SULF1: variants seen among roughly 807,000 people sequenced by gnomAD.
SULF1 encodes the protein sulfatase 1.
Under a neutral mutation model 110.5 loss-of-function variants are expected in SULF1, and 46 were observed. The observed-to-expected ratio is 0.42, with a 90% CI of 0.33 to 0.53. The LOEUF (loss-of-function observed/expected upper bound fraction) is 0.53. Among genes scored for constraint, SULF1 ranks in the 20% least tolerant of loss-of-function variants. The pLI, the probability that SULF1 is intolerant of heterozygous loss-of-function variation, is 0.12. For missense variants in SULF1, 941 were observed against 1,094.2 expected (o/e 0.86, Z 1.98); for synonymous variants, 371 against 387.1 (o/e 0.96, Z 0.49).
chr8:69,645,741 G>A (rs1323203635), intron 22 of SULF1, among the ~76,000 whole-genome samples: 1 of 148,942 alleles, frequency 6.7e-6, no homozygotes, highest in Non-Finnish European at 1.5e-5. Flanking sequence ...CATCAGTTCC[G>A]TGACAGTGCA....
intron 22 of SULF1, among the ~76,000 whole-genome samples, chr8:69,649,451 T>C (rs1812166407): frequency 6.6e-6 from 1 of 152,264 alleles, no homozygotes; most frequent in African/African-American, 2.4e-5. Flanking sequence ...TTGTCAAATC[T>C]ACATTTCATG....
At chr8:69,633,423 G>T (rs1435206010) in intron 19 of SULF1, among the ~76,000 whole-genome samples, 1 of 151,432 alleles carries the variant, frequency 6.6e-6, no homozygotes, top group African/African-American at 2.4e-5. Flanking sequence ...CCGCCTCTTG[G>T]GTTCAAGTGA....
In SULF1 at chr8:69,642,329, T is replaced by G. The variant is rs2130693412; in HGVS notation, c.2585+1488T>G. 5 of 987,256 alleles carry G rather than the reference T, an allele frequency of 5.1e-6. No homozygotes were observed. In the Middle Eastern group the frequency reaches 1.1e-3, roughly 223 times the overall value. The allele number at this position is 987,256 out of a possible 1,614,324, so 61.2% of individuals were successfully genotyped here. A position where few individuals can be genotyped will look rare whatever the true frequency, so the allele number is the denominator to read the frequency against. On this transcript the variant is annotated intron_variant, in intron 22 of 22. Transcript: ENST00000402687. ...GTCATTAGTCCACCAAGAAGCCAAA[T>G]GACAACAGGAAAGGTGATGGGAAGA... is the stretch of plus-strand genomic sequence containing the variant.
chr8:69,652,204 A>C (rs1812392580), intron 22 of SULF1, among the ~76,000 whole-genome samples: 2 of 150,234 alleles, frequency 1.3e-5, no homozygotes, highest in Admixed American at 6.7e-5. Flanking sequence ...CACTGGCCCC[A>C]CCTGGATGCT....
chr8:69,544,536 G>A (rs538629322), intron 3 of SULF1, among the ~76,000 whole-genome samples: 1 of 152,144 alleles, frequency 6.6e-6, no homozygotes, highest in African/African-American at 2.4e-5. Flanking sequence ...AAAAGTGCTG[G>A]GATTATAGGG....
At chr8:69,621,758 G>A (rs1586571218) in intron 14 of SULF1, among the ~76,000 whole-genome samples, 3 of 152,176 alleles carry the variant, frequency 2.0e-5, no homozygotes, top group East Asian at 1.9e-4. Flanking sequence ...ATTGGATCTC[G>A]TTGATTGGCA....
chr8:69,495,691 A>C (rs878980671), intron 1 of SULF1, 74 bp from the exon 2 acceptor site: 1 of 152,394 alleles, frequency 6.6e-6, no homozygotes, highest in South Asian at 2.1e-4. Flanking sequence ...ATGAGCTAGT[A>C]GAATACTTAT....
intron 3 of SULF1, among the ~76,000 whole-genome samples, chr8:69,523,658 A>G (rs529612186): frequency 6.6e-6 from 1 of 152,126 alleles, no homozygotes; most frequent in South Asian, 2.1e-4. Context: ...GACTGATGAT[A>G]ATGACTGTCG....
rs530382283 is a variant in SULF1 at position 69,613,036 on chromosome 8, G to A, written c.1378-7999G>A. Among the ~76,000 whole-genome samples the A allele has an allele frequency of 4.6e-5, 7 of 152,052 alleles. No homozygotes were observed. In the South Asian group the frequency reaches 6.2e-4, roughly 13 times the overall value. ...CATCTTGAGTTGATTTTTGTGTAAC[G>A]TGAGAGATAGGAATCCAGTTTCATT... On this transcript the variant is annotated intron_variant, in intron 13 of 22. Transcript: ENST00000402687.
intron 13 of SULF1, among the ~76,000 whole-genome samples, chr8:69,610,657 A>T (rs1808572200): frequency 1.3e-5 from 2 of 152,238 alleles, no homozygotes; most frequent in Non-Finnish European, 2.9e-5. Context: ...CATCTAATTA[A>T]ATCTTTGACT....
chr8:69,554,270 C>T (rs1046859061), intron 3 of SULF1, among the ~76,000 whole-genome samples: 2 of 152,198 alleles, frequency 1.3e-5, no homozygotes, highest in Non-Finnish European at 2.9e-5. Flanking sequence ...ACTGGTCCAC[C>T]TATAAACATC....
intron 10 of SULF1, among the ~76,000 whole-genome samples, chr8:69,602,753 A>G (rs981762084): frequency 1.3e-5 from 2 of 152,262 alleles, no homozygotes; most frequent in African/African-American, 4.8e-5. Flanking sequence ...GAATTGTCAG[A>G]TCTATATCTA....
chr8:69,588,853 C>T, intron 7 of SULF1, 119 bp from the exon 8 acceptor site: 5 of 925,096 alleles, frequency 5.4e-6, no homozygotes, highest in Non-Finnish European at 1.6e-6. Flanking sequence ...GCCTTCCTTC[C>T]TGCTGTAGAC....
intron 6 of SULF1, among the ~76,000 whole-genome samples, chr8:69,583,713 G>A (rs1297593022): frequency 1.3e-5 from 2 of 152,216 alleles, no homozygotes; most frequent in Admixed American, 1.3e-4. Context: ...GTGCAAGGAT[G>A]GAGAGTGCCT....
chr8:69,550,956 G>A (rs1349008367), intron 3 of SULF1, among the ~76,000 whole-genome samples: 1 of 152,136 alleles, frequency 6.6e-6, no homozygotes, highest in African/African-American at 2.4e-5. Context: ...ATTCCCAGAG[G>A]CACCTAATGT....
At chr8:69,502,150 C>G (rs1330421831) in intron 3 of SULF1, among the ~76,000 whole-genome samples, 182 bp downstream of exon 3, 1 of 152,136 alleles carries the variant, frequency 6.6e-6, no homozygotes, top group Non-Finnish European at 1.5e-5. Flanking sequence ...CTAAAAGGGG[C>G]CTTCCACGTG....
chr8:69,536,042 T>C (rs1365202688), intron 3 of SULF1, among the ~76,000 whole-genome samples: 2 of 151,704 alleles, frequency 1.3e-5, no homozygotes, highest in African/African-American at 2.4e-5. Context: ...ATAAAATCCC[T>C]GCAAGCAATC....
At chr8:69,544,830 G>A (rs987258260) in intron 3 of SULF1, among the ~76,000 whole-genome samples, 3 of 152,034 alleles carry the variant, frequency 2.0e-5, no homozygotes, top group Non-Finnish European at 2.9e-5. Flanking sequence ...ATTTAGGTAA[G>A]AAAATATAGA....
intron 3 of SULF1, among the ~76,000 whole-genome samples, chr8:69,511,779 T>C (rs2150591018): frequency 6.6e-6 from 1 of 152,332 alleles, no homozygotes; most frequent in Non-Finnish European, 1.5e-5. Flanking sequence ...TCTATGGGTT[T>C]GGACAAATGT....
Sources: allele counts gnomAD v4.1 joint callset (sites outside exome capture counted in the v4.1 genomes callset), GRCh38; gene constraint gnomAD v4.1.1; transcripts MANE v1.5; gene names NCBI Gene and HGNC (gene_info 2026-07-23, HGNC 2026-07-21).